CSMD1: variants seen among roughly 807,000 people sequenced by gnomAD.
CSMD1 encodes the protein CUB and Sushi multiple domains 1.
Under a neutral mutation model 417.5 loss-of-function variants are expected in CSMD1, and 213 were observed. That is an observed-to-expected ratio of 0.51 (90% CI 0.46 to 0.57). The LOEUF (loss-of-function observed/expected upper bound fraction) is 0.57, where lower values mean the gene tolerates loss of function less well. Ranked by LOEUF, CSMD1 falls within the 20% of genes least tolerant of loss-of-function variation. The pLI, the probability that CSMD1 is intolerant of heterozygous loss-of-function variation, is 0.00. For synonymous variants in CSMD1, 2,862 were observed against 1,736.8 expected, an observed-to-expected ratio of 1.65 and a Z score of -16.11; for missense variants, 6,923 against 4,529.7, an observed-to-expected ratio of 1.53 and a Z score of -15.17.
At chr8:3,968,151 C>A (rs1022630944) in intron 5 of CSMD1, among the ~76,000 whole-genome samples, 1 of 151,934 alleles carries the variant, frequency 6.6e-6, no homozygotes, top group African/African-American at 2.4e-5. Flanking sequence ...CGACCCACTG[C>A]ACTCCAGCCT....
intron 1 of CSMD1, among the ~76,000 whole-genome samples, chr8:4,795,556 C>T (rs1013651979): frequency 7.9e-5 from 12 of 152,126 alleles, no homozygotes; most frequent in African/African-American, 2.7e-4. Flanking sequence ...GCCACCGCAC[C>T]CGGCCAGCTT....
chr8:4,964,169 G>A (rs752205356), intron 1 of CSMD1, among the ~76,000 whole-genome samples: 25 of 151,946 alleles, frequency 1.6e-4, no homozygotes, highest in Non-Finnish European at 2.4e-4. Context: ...CCAAGGAGGA[G>A]ATAAGAGAAA....
At chr8:4,325,285 A>C (rs1160494658) in intron 3 of CSMD1, among the ~76,000 whole-genome samples, 2 of 152,198 alleles carry the variant, frequency 1.3e-5, no homozygotes, top group East Asian at 1.9e-4. Context: ...CTAACCAAGT[A>C]TTCCATTAAT....
rs528702211 is a variant in CSMD1 at position 4,796,649 on chromosome 8, C to G, written c.86-159091G>C. Among the ~76,000 whole-genome samples, 4 of 152,286 alleles carry G rather than the reference C, an allele frequency of 2.6e-5. 1 individual carries two copies. The South Asian group carries it at 8.3e-4, about 32-fold the overall frequency. Reference sequence around the variant, plus strand: ...GGTGGCATACCCATGGGGAAAAACACTGGGAAACAAATGAGCAACCAACTC... The same window carrying G: ...GGTGGCATACCCATGGGGAAAAACAGTGGGAAACAAATGAGCAACCAACTC... On this transcript the variant is annotated intron_variant, in intron 1 of 69. Coordinates refer to ENST00000635120, the MANE Select transcript of CSMD1 (RefSeq NM_033225.6).
rs188690814 is a variant in CSMD1 at position 4,701,097 on chromosome 8, G to C, written c.86-63539C>G. 2.3e-3 allele frequency among the ~76,000 whole-genome samples: 353 copies of C among 152,170 alleles called. 3 individuals are homozygous for C. Among genetic ancestry groups the C allele is most frequent in the African/African-American group, 8.2e-3 (342 of 41,518 alleles). ...TTTATTGAAATTAAGGGTAGAGTTA[G>C]GATGAAAGGTGAATGTTGCAACTCC... On this transcript the variant is annotated intron_variant, in intron 1 of 69. Coordinates refer to ENST00000635120, the MANE Select transcript of CSMD1 (RefSeq NM_033225.6).
At chr8:3,391,840 T>G (rs1280223598) in intron 17 of CSMD1, among the ~76,000 whole-genome samples, 1 of 152,152 alleles carries the variant, frequency 6.6e-6, no homozygotes, top group Non-Finnish European at 1.5e-5. Context: ...GAAGCGTCAT[T>G]AATAATTTCA....
intron 3 of CSMD1, among the ~76,000 whole-genome samples, chr8:4,292,756 A>T (rs533437732): frequency 6.6e-5 from 10 of 152,314 alleles, no homozygotes; most frequent in Non-Finnish European, 1.2e-4. Context: ...TCATTGTTCA[A>T]ACTGAATATT....
At chr8:4,246,049 T>G (rs1401767761) in intron 3 of CSMD1, among the ~76,000 whole-genome samples, 1 of 152,194 alleles carries the variant, frequency 6.6e-6, no homozygotes, top group Non-Finnish European at 1.5e-5. Context: ...CTTTTAAGTT[T>G]AGTGGTAGAA....
intron 1 of CSMD1, among the ~76,000 whole-genome samples, chr8:4,872,783 T>G (rs1384109963): frequency 1.3e-5 from 2 of 152,158 alleles, no homozygotes; most frequent in East Asian, 3.9e-4. Flanking sequence ...CATAGTTCAC[T>G]TTTTGTGATC....
chr8:4,020,474 C>T (rs1796735174), intron 4 of CSMD1, among the ~76,000 whole-genome samples: 1 of 152,242 alleles, frequency 6.6e-6, no homozygotes, highest in South Asian at 2.1e-4. Flanking sequence ...TATGTGACCG[C>T]TAGGGTCAGG....
intron 21 of CSMD1, among the ~76,000 whole-genome samples, chr8:3,350,507 A>G (rs117799891): frequency 2.0e-5 from 3 of 152,144 alleles, no homozygotes; most frequent in Admixed American, 1.3e-4. Flanking sequence ...AGGGAATAGC[A>G]CTTTTAAAAA....
At chr8:3,825,383 G>C (rs1274215013) in intron 5 of CSMD1, among the ~76,000 whole-genome samples, 1 of 152,136 alleles carries the variant, frequency 6.6e-6, no homozygotes, top group East Asian at 1.9e-4. Flanking sequence ...TACAAAATTA[G>C]CCAGGGGTGG....
chr8:3,060,475 C>A (rs550907535), intron 49 of CSMD1, among the ~76,000 whole-genome samples: 1 of 152,286 alleles, frequency 6.6e-6, no homozygotes, highest in Non-Finnish European at 1.5e-5. Flanking sequence ...GGGCATGAGC[C>A]ACTGTCTATT....
chr8:4,446,946 A>C (rs924958477), intron 2 of CSMD1, among the ~76,000 whole-genome samples: 13 of 151,618 alleles, frequency 8.6e-5, no homozygotes, highest in African/African-American at 3.2e-4. Context: ...TAAAAAAAAA[A>C]AAAACATTGG....
At chr8:4,675,030 G>A (rs1227819543) in intron 1 of CSMD1, among the ~76,000 whole-genome samples, 1 of 152,180 alleles carries the variant, frequency 6.6e-6, no homozygotes, top group African/African-American at 2.4e-5. Context: ...TAAACTGGCT[G>A]CACCTTAGTG....
At chr8:3,689,510 C>T (rs1209382762) in intron 7 of CSMD1, among the ~76,000 whole-genome samples, 4 of 152,190 alleles carry the variant, frequency 2.6e-5, no homozygotes, top group African/African-American at 4.8e-5. Flanking sequence ...TCTGCTCATA[C>T]ATTTCCATTT....
At chr8:3,997,361 C>T (rs1815296084) in intron 5 of CSMD1, among the ~76,000 whole-genome samples, 1 of 152,092 alleles carries the variant, frequency 6.6e-6, no homozygotes. Flanking sequence ...GAGAACTGAC[C>T]ACCCTGCGGT....
chr8:3,274,497 CTTG>C (rs1436061354), intron 26 of CSMD1, among the ~76,000 whole-genome samples: 1 of 152,138 alleles, frequency 6.6e-6, no homozygotes, highest in Admixed American at 6.6e-5. Flanking sequence ...GACTTTCTGT[CTTG>C]TTGATCTGTC....
intron 4 of CSMD1, among the ~76,000 whole-genome samples, chr8:4,022,369 G>A (rs1017276582): frequency 2.6e-5 from 4 of 152,044 alleles, no homozygotes; most frequent in South Asian, 4.2e-4. Context: ...AAATCATGAA[G>A]CAACACTGTA....
Sources: allele counts gnomAD v4.1 joint callset (sites outside exome capture counted in the v4.1 genomes callset), GRCh38; gene constraint gnomAD v4.1.1; transcripts MANE v1.5; gene names NCBI Gene and HGNC (gene_info 2026-07-23, HGNC 2026-07-21).